CD163L1: variants seen among roughly 807,000 people sequenced by gnomAD.
CD163L1 encodes the protein CD163 molecule like 1.
Under a neutral mutation model 165.4 loss-of-function variants are expected in CD163L1, and 124 were observed. The observed-to-expected ratio is 0.75, with a 90% CI of 0.65 to 0.87. The LOEUF (loss-of-function observed/expected upper bound fraction) is 0.87, where lower values mean the gene tolerates loss of function less well. Among genes scored for constraint, CD163L1 ranks in the 40% least tolerant of loss-of-function variants. CD163L1 has a pLI of 0.00. For missense variants in CD163L1, 1,525 were observed against 1,799.9 expected (o/e 0.85, Z 2.76); for synonymous variants, 585 against 662.2 (o/e 0.88, Z 1.79).
chr12:7,425,076 C>T (rs1006873419), intron 4 of CD163L1, among the ~76,000 whole-genome samples: 7 of 152,164 alleles, frequency 4.6e-5, no homozygotes, highest in African/African-American at 1.7e-4. Context: ...TGCTACCTAA[C>T]TTCAAAACTA....
chr12:7,439,154 C>T, intron 2 of CD163L1: 1 of 1,576,644 alleles, frequency 6.3e-7, no homozygotes. Flanking sequence ...GGAATGTAGC[C>T]CTTCATTGTC....
At chr12:7,423,338 A>T (rs1948474654) in intron 4 of CD163L1, among the ~76,000 whole-genome samples, 1 of 152,200 alleles carries the variant, frequency 6.6e-6, no homozygotes, top group Admixed American at 6.5e-5. Context: ...CAGTGCTAAG[A>T]GGGAAATTTA....
At chr12:7,328,231 C>T in the CD163L1 span, 20 of 1,360,218 alleles carry the variant, frequency 1.5e-5, no homozygotes, top group African/African-American at 1.5e-4. Context: ...TCCTATCGCA[C>T]GGACAATTGG....
chr12:7,361,634 G>A (rs1946893957), intron 18 of CD163L1, among the ~76,000 whole-genome samples: 1 of 152,066 alleles, frequency 6.6e-6, no homozygotes. Flanking sequence ...CCCTTCCCCT[G>A]TCCTCTGGCC....
chr12:7,408,998 A>T (rs1948081957), intron 4 of CD163L1, among the ~76,000 whole-genome samples: 1 of 152,226 alleles, frequency 6.6e-6, no homozygotes, highest in Non-Finnish European at 1.5e-5. Context: ...CATACTTCTC[A>T]TTGCTATTGC....
At chr12:7,384,613 C>G (rs1448199300) in intron 8 of CD163L1, among the ~76,000 whole-genome samples, 1 of 152,010 alleles carries the variant, frequency 6.6e-6, no homozygotes, top group African/African-American at 2.4e-5. Context: ...CAGCAGAAAT[C>G]TTACAGGCCA....
chr12:7,441,149 C>A lies in CD163L1; in HGVS notation c.124+5G>T. On this transcript the variant is annotated splice_donor_5th_base_variant and intron_variant, in intron 2 of 19. Coordinates refer to ENST00000313599, the MANE Select transcript of CD163L1 (RefSeq NM_174941.6). Reference sequence around the variant, plus strand: ...GCCCAAAAGTTATCATCCATCAGAACTCACTAAAACTGCTGATGAGAAAGC... The same window carrying A: ...GCCCAAAAGTTATCATCCATCAGAAATCACTAAAACTGCTGATGAGAAAGC... The A allele has an allele frequency of 6.2e-7, 1 of 1,605,052 alleles. No homozygotes were observed. The highest frequency in any genetic ancestry group is 8.5e-7 in the Non-Finnish European group (1 of 1,171,824).
At chr12:7,345,186 T>C (rs1946661244), downstream of CD163L1, among the ~76,000 whole-genome samples, 1 of 152,124 alleles carries the variant, frequency 6.6e-6, no homozygotes, top group Non-Finnish European at 1.5e-5. Context: ...ATCTGAACTT[T>C]TATGCTTTGC....
At chr12:7,406,468 G>T in intron 5 of CD163L1, 64 bp downstream of exon 5, 2 of 1,506,056 alleles carry the variant, frequency 1.3e-6, no homozygotes, top group South Asian at 1.2e-5. Context: ...CTTTTTCAGG[G>T]TTTGGTCCTA....
In CD163L1 at chr12:7,400,982, CAT is replaced by C. The variant is rs1309250383; in HGVS notation, c.1409-2400_1409-2399del. Among the ~76,000 whole-genome samples the C allele has an allele frequency of 3.9e-5, 6 of 152,196 alleles. No individual in the cohort carries two copies. Among genetic ancestry groups the C allele is most frequent in the Admixed American group, 2.0e-4 (3 of 15,274 alleles). On this transcript the variant is annotated intron_variant, in intron 6 of 19. Coordinates refer to ENST00000313599, the MANE Select transcript of CD163L1 (RefSeq NM_174941.6). The surrounding 1 kb of genome is among the most constrained non-coding windows in gnomAD (Gnocchi z 4.1). ...GGCCAAAGAAGCAGAAATGCTAACA[CAT>C]AAACAAATACAAATAAGTTGCTAAT...
intron 1 of CD163L1, 83 bp from the exon 2 acceptor site, chr12:7,441,329 A>G (rs937492711): frequency 3.2e-6 from 3 of 950,988 alleles, no homozygotes; most frequent in African/African-American, 3.3e-5. Flanking sequence ...AATCCAAAAT[A>G]AAATAGAAGG....
intron 2 of CD163L1, chr12:7,440,026 C>G: frequency 7.4e-7 from 1 of 1,346,106 alleles, no homozygotes; most frequent in Admixed American, 2.0e-5. Context: ...AAACCCGCTG[C>G]GACACACACC....
chr12:7,330,520 T>C, the CD163L1 span, among the ~76,000 whole-genome samples: 1 of 152,164 alleles, frequency 6.6e-6, no homozygotes, highest in Non-Finnish European at 1.5e-5. Flanking sequence ...AAGTGAGTGT[T>C]AGGATTAAGT....
At chr12:7,403,506 T>A in intron 6 of CD163L1, 29 bp downstream of exon 6, 1 of 1,575,424 alleles carries the variant, frequency 6.3e-7, no homozygotes, top group Non-Finnish European at 8.6e-7. Flanking sequence ...AATTCAAATG[T>A]GTACACTCTC....
At chr12:7,384,257 AT>A (rs759140535) in intron 8 of CD163L1, among the ~76,000 whole-genome samples, 11 of 152,126 alleles carry the variant, frequency 7.2e-5, no homozygotes, top group East Asian at 5.8e-4. Context: ...AAAGAAAGAA[AT>A]TTTTTTTCAA....
the CD163L1 span, among the ~76,000 whole-genome samples, chr12:7,329,179 T>A: frequency 6.7e-6 from 1 of 148,644 alleles, no homozygotes; most frequent in African/African-American, 2.4e-5. Flanking sequence ...TATATGTATA[T>A]ATATACACAT....
the CD163L1 span, among the ~76,000 whole-genome samples, chr12:7,329,542 G>A: frequency 6.6e-6 from 1 of 151,580 alleles, no homozygotes; most frequent in Non-Finnish European, 1.5e-5. Context: ...AAAATACAAA[G>A]CTTAACATTC....
At chr12:7,356,342 T>C (rs1261430373) in intron 19 of CD163L1, among the ~76,000 whole-genome samples, 1 of 152,108 alleles carries the variant, frequency 6.6e-6, no homozygotes, top group Non-Finnish European at 1.5e-5. Context: ...TCTAAATGGT[T>C]TTTGTGTACT....
the CD163L1 span, among the ~76,000 whole-genome samples, chr12:7,319,589 CAAA>C: frequency 1.9e-5 from 1 of 53,662 alleles, no homozygotes; most frequent in Non-Finnish European, 3.8e-5. Flanking sequence ...GACTCCGTCT[CAAA>C]AAAAAAAAAA....
Sources: gnomAD v4.1 joint callset for allele counts (sites outside exome capture counted in the v4.1 genomes callset) on GRCh38, gnomAD v4.1.1 for gene constraint, Gnocchi (gnomAD v3.1) non-coding constraint, MANE v1.5 for transcripts, NCBI Gene and HGNC (gene_info 2026-07-23, HGNC 2026-07-21) for gene names.